SSC5D: variants seen among roughly 807,000 people sequenced by gnomAD.
SSC5D encodes the protein scavenger receptor cysteine rich family member with 5 domains.
In SSC5D, 106 loss-of-function variants were observed where a neutral mutation model predicts 104.6. The ratio of observed to expected loss-of-function variants is 1.01; its 90% CI spans 0.87 to 1.19. The LOEUF (loss-of-function observed/expected upper bound fraction) is 1.19, where lower values mean the gene tolerates loss of function less well. Ranked by LOEUF, SSC5D falls within the 50% of genes most tolerant of loss-of-function variation. The pLI is 0.00. For synonymous variants in SSC5D, 860 were observed against 883.5 expected (o/e 0.97, Z 0.47); for missense variants, 1,993 against 2,153.8 (o/e 0.93, Z 1.48).
intron 12 of SSC5D, chr19:55,504,303 A>G (rs1028193126): frequency 3.4e-5 from 49 of 1,439,018 alleles, no homozygotes; most frequent in Non-Finnish European, 3.9e-5. Flanking sequence ...ATGAGCAGAA[A>G]TAAATGCAGA....
chr19:55,507,512 A>T (rs1987660670), intron 12 of SSC5D, among the ~76,000 whole-genome samples: 1 of 150,854 alleles, frequency 6.6e-6, no homozygotes, highest in African/African-American at 2.4e-5. Flanking sequence ...TAAAAATGCA[A>T]ACAATTAGCC....
In SSC5D at chr19:55,505,383, A is replaced by G. The variant is rs1034415428; in HGVS notation, c.2785+4182A>G. The stretch of plus-strand genomic sequence containing the variant: ...CCAGAAATTTTCATCGGTGTTATCC[A>G]TCTCTGCTAGACTTTAAGCTCTGTG... On this transcript the variant is annotated intron_variant, in intron 12 of 13. Coordinates refer to ENST00000389623, the MANE Select transcript of SSC5D (RefSeq NM_001144950.2). Among the ~76,000 whole-genome samples, 5 of 151,846 alleles carry G rather than the reference A, an allele frequency of 3.3e-5. 1 individual carries two copies. The highest frequency in any genetic ancestry group is 1.2e-4 in the African/African-American group (5 of 41,092).
Position 55,517,574 on chromosome 19 carries a change from T to G in SSC5D, c.3298T>G (p.Ser1100Ala). Residue 1100 changes from serine (S) to alanine (A), a missense_variant, in exon 14 of 14, where the codon TCT becomes GCT. Physicochemically the swap from Ser to Ala is moderately conservative, Grantham distance 99. Transcript: ENST00000389623. Reference sequence around the variant, plus strand: ...ACCCACCTTGCCCAAAGAGCTGACCTCTGACCCTTCTACACCGTCGGAGGT... The same window carrying G: ...ACCCACCTTGCCCAAAGAGCTGACCGCTGACCCTTCTACACCGTCGGAGGT... ...PLPTLPKELT[S>A]DPSTPSEVTS... The G allele has an allele frequency of 6.4e-7, 1 of 1,551,392 alleles. No homozygotes were observed. The highest frequency in any genetic ancestry group is 8.7e-7 in the Non-Finnish European group (1 of 1,146,966).
In SSC5D at chr19:55,499,848, T is replaced by G. The variant is rs1987424496; in HGVS notation, c.1738T>G (p.Phe580Val). The change falls in exon 10 of 14, where the codon TTC becomes GTC. Residue 580 changes from phenylalanine to valine, a missense_variant. By Grantham distance (50) the Phe-to-Val change is conservative. Transcript: ENST00000389623. ...AGGCCTGGACTCCATCTCAGACCCC[T>G]TCAGCTGGAGCTGGATTCCTGGACT... ...PPGLDSISDP[F>V]SWSWIPGLGR... The G allele has an allele frequency of 1.9e-6, 3 of 1,551,452 alleles. No homozygotes were observed. Among genetic ancestry groups the G allele is most frequent in the Non-Finnish European group, 2.6e-6 (3 of 1,146,918 alleles).
chr19:55,488,527 C>G lies in SSC5D; in HGVS notation c.-63C>G. 1 of 1,476,696 alleles carries G rather than the reference C, an allele frequency of 6.8e-7. No homozygotes were observed. The highest frequency in any genetic ancestry group is 9.3e-7 in the Non-Finnish European group (1 of 1,080,264). 91.5% of individuals were successfully genotyped at this position (1,476,696 alleles called of 1,614,324 possible). A position where few individuals can be genotyped will look rare whatever the true frequency, so the allele number is the denominator to read the frequency against. ...CCTCCCTCCCTCTCTCCCCAGCTGC[C>G]TCCTCCTCTTCTCTCCCCGCTCTCC... On this transcript the variant is annotated 5_prime_UTR_variant, in exon 1 of 14. Transcript: ENST00000389623.
chr19:55,514,586 G>C (rs921834754), intron 13 of SSC5D, among the ~76,000 whole-genome samples: 1 of 142,114 alleles, frequency 7.0e-6, no homozygotes, highest in Non-Finnish European at 1.5e-5. Context: ...GGGCAACAGA[G>C]AAAGACTCTG....
intron 12 of SSC5D, among the ~76,000 whole-genome samples, chr19:55,502,559 C>T (rs778182524): frequency 1.3e-5 from 2 of 152,024 alleles, no homozygotes; most frequent in Non-Finnish European, 2.9e-5. Context: ...CCTAGTTTTT[C>T]CTGGTCAATT....
chr19:55,516,592 G>A (rs1250449426), intron 13 of SSC5D, among the ~76,000 whole-genome samples: 1 of 151,168 alleles, frequency 6.6e-6, no homozygotes, highest in Admixed American at 6.6e-5. Context: ...TGGTTAAAAT[G>A]TTAACTTTGG....
In SSC5D at chr19:55,517,506, G is replaced by C; in HGVS notation, c.3230G>C (p.Ser1077Thr). The change falls in exon 14 of 14, where the codon AGT (serine) becomes ACT (threonine). Residue 1077 changes from serine (S) to threonine (T), a missense_variant. Coordinates refer to ENST00000389623, the MANE Select transcript of SSC5D (RefSeq NM_001144950.2). ...PDFALSTPDSSVVPALTPEPS... is the reference protein window; with the variant it reads ...PDFALSTPDSTVVPALTPEPS... ...TTTGCTTTGTCCACCCCTGACTCCA[G>C]TGTGGTTCCCGCGTTGACCCCGGAG... The C allele has an allele frequency of 6.4e-7, 1 of 1,551,216 alleles. No individual in the cohort carries two copies. The highest frequency in any genetic ancestry group is 8.7e-7 in the Non-Finnish European group (1 of 1,146,974).
In SSC5D at chr19:55,488,543, C is replaced by T; in HGVS notation, c.-47C>T. The T allele has an allele frequency of 6.5e-7, 1 of 1,538,334 alleles. No individual in the cohort carries two copies. Among genetic ancestry groups the T allele is most frequent in the African/African-American group, 1.4e-5 (1 of 72,586 alleles). On this transcript the variant is annotated 5_prime_UTR_variant, in exon 1 of 14. Transcript: ENST00000389623. ...CCCAGCTGCCTCCTCCTCTTCTCTC[C>T]CCGCTCTCCTTCCCCTTTCACCCCA...
In SSC5D at chr19:55,498,105, TGGGGACCGA is replaced by T; in HGVS notation, c.1616_1624del (p.Gly539_Glu541del). The T allele has an allele frequency of 6.4e-7, 1 of 1,551,668 alleles. No homozygotes were observed. The highest frequency in any genetic ancestry group is 8.7e-7 in the Non-Finnish European group (1 of 1,146,968). ...ATCTGGCTAGATGATGTGGGCTGTG[TGGGGACCGA>T]GGCTTCACTGTCCGACTGCCCTGCT... On this transcript the variant is annotated inframe_deletion, in exon 9 of 14. Transcript: ENST00000389623.
At chr19:55,498,990 C>T (rs1987399876) in intron 9 of SSC5D, among the ~76,000 whole-genome samples, 1 of 152,214 alleles carries the variant, frequency 6.6e-6, no homozygotes, top group Non-Finnish European at 1.5e-5. Flanking sequence ...GACAGCACTT[C>T]ATTATCCCAG....
intron 13 of SSC5D, among the ~76,000 whole-genome samples, chr19:55,516,496 CAAA>C (rs1202935374): frequency 5.7e-5 from 7 of 122,070 alleles, no homozygotes; most frequent in Non-Finnish European, 1.2e-4. Context: ...GACTCCATCT[CAAA>C]AAAAAAAAAA....
chr19:55,494,798 G>C lies in SSC5D; in HGVS notation c.1387+15G>C. ...ACCGGAAGCCGGTGAGTCCCTCCATGCTCCCCAAGAAAACAGGGTCCTTCC... is the reference window on the plus strand; with the variant it reads ...ACCGGAAGCCGGTGAGTCCCTCCATCCTCCCCAAGAAAACAGGGTCCTTCC... On this transcript the variant is annotated intron_variant, in intron 8 of 13. Coordinates refer to ENST00000389623, the MANE Select transcript of SSC5D (RefSeq NM_001144950.2). The C allele has an allele frequency of 2.6e-6, 4 of 1,525,686 alleles. No individual in the cohort carries two copies. Among genetic ancestry groups the C allele is most frequent in the Non-Finnish European group, 3.5e-6 (4 of 1,131,104 alleles). 94.5% of individuals were successfully genotyped at this position (1,525,686 alleles called of 1,614,324 possible).
rs1335067679 is a variant in SSC5D, at chr19:55,517,690, A to G, written c.3414A>G (p.Glu1138=). 3.2e-6 allele frequency: 5 copies of G among 1,551,166 alleles called. No homozygotes were observed. The South Asian group carries it at 3.6e-5, about 11-fold the overall frequency. ...CTCCATACTCCAGTACAGTCTCAGA[A>G]TATTCTAGATCCCCAGACCCCTCCC... The part of the protein sequence containing the change: ...DTTPYSSTVS[E]YSRSPDPSPS... Residue 1138 remains glutamate (E), a synonymous_variant, in exon 14 of 14, where the codon GAA becomes GAG. Transcript: ENST00000389623.
chr19:55,504,716 G>T (rs1207795761), intron 12 of SSC5D, among the ~76,000 whole-genome samples: 1 of 152,142 alleles, frequency 6.6e-6, no homozygotes, highest in Admixed American at 6.6e-5. Context: ...GGCCAGGCTG[G>T]TCTCAAAGCC....
intron 5 of SSC5D, 82 bp from the exon 6 acceptor site, chr19:55,490,690 G>T: frequency 7.1e-7 from 1 of 1,408,922 alleles, no homozygotes; most frequent in Non-Finnish European, 9.3e-7. Flanking sequence ...CCTCAGGCCT[G>T]TTTCCCCAGG....
chr19:55,504,109 T>C, intron 12 of SSC5D: 2 of 1,535,162 alleles, frequency 1.3e-6, no homozygotes, highest in African/African-American at 2.7e-5. Context: ...TATCATTCCG[T>C]TTCCAGAGCC....
At position 55,493,779 on chromosome 19, in the gene SSC5D, G is replaced by A; in HGVS notation, c.1080G>A (p.Gly360=). The change falls in exon 7 of 14, where the codon GGG becomes GGA. Residue 360 remains glycine (G), a synonymous_variant. Coordinates refer to ENST00000389623, the MANE Select transcript of SSC5D (RefSeq NM_001144950.2). ...ALAAPGGAFF[G]EGSGPIILDD... Reference sequence around the variant, plus strand: ...CCGCCCCCGGGGGCGCCTTCTTTGGGGAGGGGTCTGGACCCATCATCCTGG... The same window carrying A: ...CCGCCCCCGGGGGCGCCTTCTTTGGAGAGGGGTCTGGACCCATCATCCTGG... 2 of 1,536,484 alleles carry A rather than the reference G, an allele frequency of 1.3e-6. No homozygotes were observed. Among genetic ancestry groups the A allele is most frequent in the East Asian group, 5.0e-5 (2 of 40,194 alleles).
Sources: gnomAD v4.1 joint callset for allele counts (sites outside exome capture counted in the v4.1 genomes callset) on GRCh38, gnomAD v4.1.1 for gene constraint, MANE v1.5 for transcripts, NCBI Gene and HGNC (gene_info 2026-07-23, HGNC 2026-07-21) for gene names.